SUSD4: variants seen among roughly 807,000 people sequenced by gnomAD.
SUSD4 encodes sushi domain containing 4.
In SUSD4, 41 loss-of-function variants were observed where a neutral mutation model predicts 50.5. The observed-to-expected ratio is 0.81, with a 90% CI of 0.63 to 1.05. SUSD4 has a LOEUF of 1.05. Among genes scored for constraint, SUSD4 ranks in the 50% least tolerant of loss-of-function variants. The pLI is 0.00. For missense variants in SUSD4, 580 were observed against 634.7 expected, an observed-to-expected ratio of 0.91 and a Z score of 0.93; for synonymous variants, 257 against 257.3, an observed-to-expected ratio of 1.00 and a Z score of 0.01.
In SUSD4 at chr1:223,267,549, T is replaced by A. The variant is rs1003469664; in HGVS notation, c.535+953A>T. Among the ~76,000 whole-genome samples the A allele has an allele frequency of 4.6e-5, 7 of 152,320 alleles. No individual in the cohort carries two copies. The South Asian group carries it at 1.5e-3, about 32-fold the overall frequency. The stretch of plus-strand genomic sequence containing the variant: ...GAACATGCTCAGCAACACTGGCAGT[T>A]CCTGGGAGAGACCAGGGGAGCGTGA... On this transcript the variant is annotated intron_variant, in intron 4 of 8. Transcript: ENST00000366878.
chr1:223,303,000 T>A (rs1665287534), intron 2 of SUSD4, among the ~76,000 whole-genome samples: 1 of 152,042 alleles, frequency 6.6e-6, no homozygotes, highest in Non-Finnish European at 1.5e-5. Context: ...AAATTAAAAT[T>A]ATCTGGGCAT....
intron 5 of SUSD4, among the ~76,000 whole-genome samples, chr1:223,254,611 T>C (rs184659263): frequency 3.9e-5 from 6 of 152,216 alleles, no homozygotes; most frequent in African/African-American, 1.4e-4. Context: ...CCTGAAAACT[T>C]GGATCTACTT....
chr1:223,257,885 A>G (rs909577896), intron 5 of SUSD4, among the ~76,000 whole-genome samples: 5 of 152,174 alleles, frequency 3.3e-5, no homozygotes, highest in African/African-American at 1.2e-4. Flanking sequence ...CCGAGGTGAC[A>G]CTGGGCCTCA....
intron 4 of SUSD4, among the ~76,000 whole-genome samples, chr1:223,265,888 C>T (rs1662460889): frequency 6.6e-6 from 1 of 152,222 alleles, no homozygotes; most frequent in Non-Finnish European, 1.5e-5. Flanking sequence ...ACCCACTTTC[C>T]CTTCCAAGTC....
chr1:223,326,099 T>G (rs1302413530), intron 2 of SUSD4, among the ~76,000 whole-genome samples: 1 of 152,168 alleles, frequency 6.6e-6, no homozygotes, highest in Non-Finnish European at 1.5e-5. Flanking sequence ...GACCTCAAAT[T>G]ATACTACAAG....
chr1:223,222,015 C>A lies in SUSD4; in HGVS notation c.*177G>T. On this transcript the variant is annotated 3_prime_UTR_variant, in exon 9 of 9. Transcript: ENST00000366878. ...AATCCTCAAATCTCATTTAAAAGCA[C>A]TGCCATTGCAGTTTGTCAGCCTCAC... 1 of 623,326 alleles carries A rather than the reference C, an allele frequency of 1.6e-6. No homozygotes were observed. Among genetic ancestry groups the A allele is most frequent in the Non-Finnish European group, 2.8e-6 (1 of 360,506 alleles). 38.6% of individuals were successfully genotyped at this position (623,326 alleles called of 1,614,324 possible).
chr1:223,291,896 A>G (rs2103147915), intron 3 of SUSD4, among the ~76,000 whole-genome samples: 1 of 152,346 alleles, frequency 6.6e-6, no homozygotes, highest in South Asian at 2.1e-4. Flanking sequence ...GAAGTGAATG[A>G]ATATCTTGTC....
chr1:223,259,594 T>C (rs1439520052), intron 5 of SUSD4, among the ~76,000 whole-genome samples: 1 of 152,160 alleles, frequency 6.6e-6, no homozygotes, highest in East Asian at 1.9e-4. Flanking sequence ...AAAACCTGAA[T>C]GTGAAGAGAA....
chr1:223,229,159 G>A lies in SUSD4; in HGVS notation c.916+38C>T, dbSNP rs1659724149. On this transcript the variant is annotated intron_variant, in intron 6 of 8. Transcript: ENST00000366878. The surrounding 1 kb of genome is among the most constrained non-coding windows in gnomAD (Gnocchi z 4.7). ...CCACTATGTGCAGATGGTCCAAGGA[G>A]GGTCCATCTCCTCCAAGGGTGAGGC... 1.3e-6 allele frequency: 2 copies of A among 1,562,644 alleles called. No individual in the cohort carries two copies. The highest frequency in any genetic ancestry group is 1.8e-6 in the Non-Finnish European group (2 of 1,141,706).
intron 5 of SUSD4, among the ~76,000 whole-genome samples, chr1:223,249,538 G>A (rs1427870650): frequency 2.0e-5 from 3 of 152,168 alleles, no homozygotes; most frequent in Admixed American, 2.0e-4. Context: ...AATAGATGAG[G>A]AAATACATAA....
chr1:223,318,468 C>A (rs1474772153), intron 2 of SUSD4, among the ~76,000 whole-genome samples: 2 of 101,288 alleles, frequency 2.0e-5, no homozygotes, highest in African/African-American at 7.9e-5. Context: ...GTTTACAGTC[C>A]CACCAACAGT....
chr1:223,246,651 A>T (rs1660951824), intron 5 of SUSD4, among the ~76,000 whole-genome samples: 1 of 152,112 alleles, frequency 6.6e-6, no homozygotes, highest in Admixed American at 6.6e-5. Flanking sequence ...GGGAAGCATG[A>T]GTGCTGGACA....
In SUSD4 at chr1:223,353,430, T is replaced by C. The variant is rs1394578061; in HGVS notation, c.148+9848A>G. Among the ~76,000 whole-genome samples, 5 of 152,312 alleles carry C rather than the reference T, an allele frequency of 3.3e-5. No individual in the cohort carries two copies. The East Asian group carries it at 9.7e-4, about 29-fold the overall frequency. On this transcript the variant is annotated intron_variant, in intron 2 of 8. Coordinates refer to ENST00000366878, the MANE Select transcript of SUSD4 (RefSeq NM_017982.4). ...GAAATGCCTCTGACACTGCCTCCTG[T>C]ATACCAGCACATCCTATGTCCCTGT...
At chr1:223,299,919 G>A (rs1171897489) in intron 2 of SUSD4, among the ~76,000 whole-genome samples, 2 of 152,156 alleles carry the variant, frequency 1.3e-5, no homozygotes, top group Non-Finnish European at 2.9e-5. Flanking sequence ...GGGTCTCCAA[G>A]GAGATACCTA....
intron 2 of SUSD4, among the ~76,000 whole-genome samples, chr1:223,322,540 C>T (rs1347356358): frequency 2.0e-5 from 3 of 152,094 alleles, no homozygotes; most frequent in African/African-American, 7.2e-5. Context: ...AAAATCTGTA[C>T]ACAAATAATT....
chr1:223,242,759 G>A (rs144614396), intron 5 of SUSD4, among the ~76,000 whole-genome samples: 1 of 152,346 alleles, frequency 6.6e-6, no homozygotes, highest in East Asian at 1.9e-4. Flanking sequence ...TATGAGCTAA[G>A]GGCCTGGGCC....
At chr1:223,235,052 C>G in intron 5 of SUSD4, 2 of 1,610,278 alleles carry the variant, frequency 1.2e-6, no homozygotes, top group Non-Finnish European at 8.5e-7. Context: ...AGCTGCCAAC[C>G]TGATGTGTGG....
chr1:223,319,429 A>C (rs1435401105), intron 2 of SUSD4, among the ~76,000 whole-genome samples: 1 of 151,974 alleles, frequency 6.6e-6, no homozygotes, highest in Admixed American at 6.6e-5. Flanking sequence ...AATATCCAGA[A>C]TCTACAATGA....
intron 2 of SUSD4, among the ~76,000 whole-genome samples, chr1:223,341,124 G>C (rs1334168572): frequency 6.6e-6 from 1 of 152,132 alleles, no homozygotes; most frequent in African/African-American, 2.4e-5. Context: ...TGCTGCTGTT[G>C]TAAATTTTTT....
Sources: gnomAD v4.1 joint callset for allele counts (sites outside exome capture counted in the v4.1 genomes callset) on GRCh38, gnomAD v4.1.1 for gene constraint, Gnocchi (gnomAD v3.1) non-coding constraint, MANE v1.5 for transcripts, NCBI Gene and HGNC (gene_info 2026-07-23, HGNC 2026-07-21) for gene names.